TENM1: variants seen among roughly 807,000 people sequenced by gnomAD.
TENM1 encodes the protein teneurin-1.
TENM1 carries 35 observed loss-of-function variants against 174.8 expected under a neutral mutation model. The observed-to-expected ratio is 0.20, with a 90% CI of 0.15 to 0.27. The LOEUF is 0.27. TENM1 is among the 10% of genes least tolerant of loss of function. The probability of loss-of-function intolerance (pLI) is 1.00; values close to 1 mark genes in which losing one functional copy is unlikely to be tolerated. For missense variants in TENM1, 1,633 were observed against 2,130.1 expected (o/e 0.77, Z 4.59); for synonymous variants, 781 against 798.7 (o/e 0.98, Z 0.37).
the TENM1 span, among the ~76,000 whole-genome samples, chrX:125,150,006 G>A: frequency 9.0e-6 from 1 of 110,939 alleles, no homozygotes; most frequent in Non-Finnish European, 1.9e-5. Flanking sequence ...AGGGATTTTA[G>A]GATTTCTCCA....
chrX:124,884,337 G>A (rs777834664), intron 3 of TENM1, among the ~76,000 whole-genome samples: 24 of 108,476 alleles, frequency 2.2e-4, no homozygotes, highest in African/African-American at 6.7e-4. Context: ...ATTGGAGACC[G>A]AGCTCTCAAA....
At chrX:124,661,742 T>C (rs1043710010) in intron 6 of TENM1, among the ~76,000 whole-genome samples, 8 of 111,531 alleles carry the variant, frequency 7.2e-5, no homozygotes, top group Non-Finnish European at 1.3e-4. Flanking sequence ...AAAACAATTA[T>C]ATGATGAACT....
At chrX:124,804,406 A>G (rs2055537530) in intron 3 of TENM1, among the ~76,000 whole-genome samples, 1 of 112,108 alleles carries the variant, frequency 8.9e-6, no homozygotes, top group South Asian at 3.7e-4. Flanking sequence ...ATAACGGCCC[A>G]GTTCCTGGCT....
At chrX:125,046,059 C>CA in the TENM1 span, among the ~76,000 whole-genome samples, 20,698 of 109,951 alleles carry the variant, frequency 0.19, 1,961 homozygotes, top group African/African-American at 0.36. Context: ...AAAACAGAAA[C>CA]AAAAAAATAT....
intron 6 of TENM1, among the ~76,000 whole-genome samples, chrX:124,670,706 C>G (rs981116969): frequency 9.0e-6 from 1 of 110,995 alleles, no homozygotes; most frequent in Non-Finnish European, 1.9e-5. Flanking sequence ...ACAACCCCCC[C>G]GCCACCACGA....
At chrX:125,055,787 G>C in the TENM1 span, among the ~76,000 whole-genome samples, 1 of 111,393 alleles carries the variant, frequency 9.0e-6, no homozygotes, top group Admixed American at 9.6e-5. Flanking sequence ...AAACATAAGT[G>C]AATCGACGTT....
intron 13 of TENM1, among the ~76,000 whole-genome samples, chrX:124,563,165 C>T (rs944163211): frequency 9.1e-6 from 1 of 110,052 alleles, no homozygotes; most frequent in Admixed American, 9.7e-5. Flanking sequence ...ACTTCTGAAG[C>T]TGAGGTAATG....
At position 124,820,633 on chromosome X, in the gene TENM1, A is replaced by G. The variant is rs754088131; in HGVS notation, c.535+73663T>C. Among the ~76,000 whole-genome samples the G allele has an allele frequency of 6.9e-4, 78 of 112,562 alleles. 1 individual carries two copies. Among genetic ancestry groups the G allele is most frequent in the African/African-American group, 2.3e-3 (72 of 31,035 alleles). On this transcript the variant is annotated intron_variant, in intron 3 of 31. Coordinates refer to ENST00000422452, the Ensembl canonical transcript of TENM1. ...AGTCTCAGTACTCTGCATTCTCTCA[A>G]TGTAAGTAAGCATTTTATACTATGT...
chrX:125,195,560 T>C, the TENM1 span, among the ~76,000 whole-genome samples: 1 of 111,779 alleles, frequency 8.9e-6, no homozygotes, highest in Non-Finnish European at 1.9e-5. Flanking sequence ...ATGAAGAAAA[T>C]GTAGCATCCT....
intron 5 of TENM1, among the ~76,000 whole-genome samples, chrX:124,677,381 C>G (rs995745392): frequency 8.1e-5 from 9 of 111,416 alleles, no homozygotes; most frequent in African/African-American, 2.6e-4. Flanking sequence ...TTTTCTGTTT[C>G]TGGTACCTAA....
At chrX:125,132,539 G>A in the TENM1 span, among the ~76,000 whole-genome samples, 10 of 111,943 alleles carry the variant, frequency 8.9e-5, no homozygotes, top group African/African-American at 2.9e-4. Flanking sequence ...CTGGATAGAG[G>A]GGGTAAGGAT....
the TENM1 span, among the ~76,000 whole-genome samples, chrX:125,036,369 C>T: frequency 8.9e-6 from 1 of 111,862 alleles, no homozygotes; most frequent in Non-Finnish European, 1.9e-5. Context: ...TGATTTTTAA[C>T]AGCCGAGAAT....
intron 1 of TENM1, among the ~76,000 whole-genome samples, chrX:124,917,139 G>A (rs1180771253): frequency 9.0e-6 from 1 of 111,237 alleles, no homozygotes; most frequent in South Asian, 3.8e-4. Context: ...AGGCTGTAAG[G>A]TTGACAGCCC....
chrX:124,581,579 G>A (rs1473590377), intron 11 of TENM1, among the ~76,000 whole-genome samples: 1 of 112,154 alleles, frequency 8.9e-6, no homozygotes, highest in African/African-American at 3.2e-5. Flanking sequence ...TTGATTGAAT[G>A]GTAGTTTTGT....
intron 3 of TENM1, among the ~76,000 whole-genome samples, chrX:124,886,542 T>TAGAG (rs1193540402): frequency 1.7e-3 from 151 of 88,634 alleles, no homozygotes; most frequent in African/African-American, 6.4e-3. Context: ...TATATATATA[T>TAGAG]ATATATAGAG....
intron 3 of TENM1, among the ~76,000 whole-genome samples, chrX:124,762,942 G>A (rs1004345269): frequency 1.2e-4 from 13 of 110,933 alleles, no homozygotes; most frequent in African/African-American, 4.3e-4. Flanking sequence ...TACTTGTGTA[G>A]TCTTTACTGA....
chrX:125,117,314 G>C, the TENM1 span, among the ~76,000 whole-genome samples: 1 of 112,029 alleles, frequency 8.9e-6, no homozygotes, highest in African/African-American at 3.2e-5. Context: ...ATGTCCAACA[G>C]TGACAGACTG....
the TENM1 span, among the ~76,000 whole-genome samples, chrX:125,056,102 G>T: frequency 1.9e-5 from 2 of 102,811 alleles, no homozygotes; most frequent in African/African-American, 7.1e-5. Context: ...GTTGCAGAAT[G>T]AAAAAAAAAA....
the TENM1 span, among the ~76,000 whole-genome samples, chrX:125,074,366 T>C: frequency 0.014 from 1,528 of 109,845 alleles, 33 homozygotes; most frequent in African/African-American, 0.047. Context: ...TCTAACCTAC[T>C]TGCCCAGACA....
Sources: allele counts gnomAD v4.1 joint callset (sites outside exome capture counted in the v4.1 genomes callset), GRCh38; gene constraint gnomAD v4.1.1; transcripts MANE v1.5; gene names NCBI Gene and HGNC (gene_info 2026-07-23, HGNC 2026-07-21).